Variants in GABRA2 observed in about 807,000 individuals in gnomAD.
GABRA2 encodes gamma-aminobutyric acid receptor subunit alpha-2.
A neutral mutation model predicts 48.7 loss-of-function variants in GABRA2; 16 were observed. The observed-to-expected ratio is 0.33, with a 90% CI of 0.22 to 0.50. The LOEUF is 0.50. GABRA2 is among the 20% of genes least tolerant of loss of function. The pLI is 0.98. For missense variants in GABRA2, 275 were observed against 535.6 expected, an observed-to-expected ratio of 0.51 and a Z score of 4.80; for synonymous variants, 185 against 184.5, an observed-to-expected ratio of 1.00 and a Z score of -0.02.
intron 9 of GABRA2, among the ~76,000 whole-genome samples, chr4:46,253,985 T>G (rs971057360): frequency 6.6e-6 from 1 of 151,534 alleles, no homozygotes; most frequent in African/African-American, 2.4e-5. Context: ...TACTGTTGAA[T>G]TCATAGCTGA....
At chr4:46,340,090 T>C (rs1490331727) in intron 3 of GABRA2, among the ~76,000 whole-genome samples, 1 of 151,870 alleles carries the variant, frequency 6.6e-6, no homozygotes. Context: ...TTCTCAAAGA[T>C]AGGCACAATC....
intron 8 of GABRA2, among the ~76,000 whole-genome samples, chr4:46,264,554 T>C (rs565701872): frequency 1.8e-4 from 27 of 152,222 alleles, no homozygotes; most frequent in Non-Finnish European, 2.8e-4. Flanking sequence ...TGCTATGTAA[T>C]CCTTTTAAAA....
intron 4 of GABRA2, among the ~76,000 whole-genome samples, chr4:46,325,737 T>G (rs1346859626): frequency 2.6e-5 from 4 of 152,000 alleles, no homozygotes; most frequent in African/African-American, 4.8e-5. Context: ...TAATCCATCT[T>G]GAGTTGATTT....
intron 4 of GABRA2, among the ~76,000 whole-genome samples, chr4:46,313,381 A>G (rs538883146): frequency 1.3e-5 from 2 of 152,152 alleles, no homozygotes; most frequent in South Asian, 2.1e-4. Context: ...GATAATTTCA[A>G]TAAAGTTTAT....
intron 5 of GABRA2, 57 bp from the exon 6 acceptor site, chr4:46,310,312 CTCG>C: frequency 8.2e-7 from 1 of 1,213,692 alleles, no homozygotes; most frequent in Non-Finnish European, 1.2e-6. Context: ...AGAAAAATCA[CTCG>C]TCATTACTCT....
intron 9 of GABRA2, among the ~76,000 whole-genome samples, chr4:46,258,288 G>T (rs1427469462): frequency 6.6e-6 from 1 of 151,828 alleles, no homozygotes; most frequent in Non-Finnish European, 1.5e-5. Flanking sequence ...ATCAGTGAAA[G>T]AGTTGAGACA....
intron 8 of GABRA2, among the ~76,000 whole-genome samples, chr4:46,283,629 TA>T (rs1721955016): frequency 6.6e-6 from 1 of 152,220 alleles, no homozygotes; most frequent in African/African-American, 2.4e-5. Context: ...AAAATTGATA[TA>T]AAAGAAGTAG....
rs1017500643 is a variant in GABRA2, at chr4:46,312,364, T to C, written c.476+132A>G. ...TTTAAATCAAAACATTTGCAAAGCATATTATTGGTACTTCAATAATCTGTT... is the reference window on the plus strand; with the variant it reads ...TTTAAATCAAAACATTTGCAAAGCACATTATTGGTACTTCAATAATCTGTT... On this transcript the variant is annotated intron_variant, in intron 5 of 9. Transcript: ENST00000381620. The C allele has an allele frequency of 1.0e-5, 6 of 572,556 alleles. No homozygotes were observed. In the African/African-American group the frequency reaches 1.2e-4, roughly 11 times the overall value. The allele number at this position is 572,556 out of a possible 1,614,324, so 35.5% of individuals were successfully genotyped here.
chr4:46,253,596 G>A (rs1715235289), intron 9 of GABRA2, among the ~76,000 whole-genome samples: 1 of 151,496 alleles, frequency 6.6e-6, no homozygotes, highest in Non-Finnish European at 1.5e-5. Context: ...AAAAACTTCA[G>A]AGTAGGGCTC....
intron 3 of GABRA2, among the ~76,000 whole-genome samples, chr4:46,385,005 T>C (rs879854256): frequency 9.9e-5 from 15 of 151,408 alleles, no homozygotes; most frequent in Non-Finnish European, 2.1e-4. Flanking sequence ...TTAAATGGCA[T>C]ATTATTGAAC....
chr4:46,248,193 C>T lies in GABRA2; in HGVS notation c.*2115G>A, dbSNP rs181064869. 1.1e-4 allele frequency among the ~76,000 whole-genome samples: 17 copies of T among 151,372 alleles called. No homozygotes were observed. Among genetic ancestry groups the T allele is most frequent in the African/African-American group, 3.9e-4 (16 of 41,442 alleles). ...ATAGTCAGACATTAAGGGGGCAATGCGGACTTTACAAGACAAATATTCTTA... is the reference window on the plus strand; with the variant it reads ...ATAGTCAGACATTAAGGGGGCAATGTGGACTTTACAAGACAAATATTCTTA... On this transcript the variant is annotated 3_prime_UTR_variant, in exon 10 of 10. Coordinates refer to ENST00000381620, the MANE Select transcript of GABRA2 (RefSeq NM_000807.4).
intron 8 of GABRA2, among the ~76,000 whole-genome samples, chr4:46,302,353 C>T (rs1431627303): frequency 1.3e-5 from 2 of 152,136 alleles, no homozygotes; most frequent in Non-Finnish European, 2.9e-5. Flanking sequence ...AGGCATTACA[C>T]TAACCTCTCT....
At chr4:46,332,760 A>G (rs767031080) in intron 3 of GABRA2, 78 bp from the exon 4 acceptor site, 3 of 849,602 alleles carry the variant, frequency 3.5e-6, no homozygotes, top group African/African-American at 1.7e-5. Context: ...AGTACACGGT[A>G]TGGTTTGAAA....
At chr4:46,373,026 C>A (rs1715141888) in intron 3 of GABRA2, among the ~76,000 whole-genome samples, 1 of 152,194 alleles carries the variant, frequency 6.6e-6, no homozygotes. Context: ...GCAACACAGG[C>A]AGAAATTGCA....
rs1242565990 is a variant in GABRA2, at chr4:46,256,388, C to T, written c.1059+5538G>A. The T allele has an allele frequency of 8.7e-6, 5 of 575,478 alleles. No individual in the cohort carries two copies. The Admixed American group carries it at 1.3e-4, about 14-fold the overall frequency. The allele number at this position is 575,478 out of a possible 1,614,324, so 35.6% of individuals were successfully genotyped here. On this transcript the variant is annotated intron_variant, in intron 9 of 9. Transcript: ENST00000381620. Reference sequence around the variant, plus strand: ...TATTGAAGGGGACTACAAGAAACATCAATATGAAATCCATTATTGCGTTTA... The same window carrying T: ...TATTGAAGGGGACTACAAGAAACATTAATATGAAATCCATTATTGCGTTTA...
At chr4:46,362,005 C>T (rs1251494189) in intron 3 of GABRA2, among the ~76,000 whole-genome samples, 1 of 152,200 alleles carries the variant, frequency 6.6e-6, no homozygotes, top group Non-Finnish European at 1.5e-5. Flanking sequence ...TTTGATTTTA[C>T]AGGCTAATAG....
rs1239520342 is a variant in GABRA2 at position 46,249,391 on chromosome 4, A to G, written c.*917T>C. ...GTGTTTGTCATAGTGTGGGGCACCT[A>G]TGAATTCTCATCAGTGGGAGTTTTT... On this transcript the variant is annotated 3_prime_UTR_variant, in exon 10 of 10. Coordinates refer to ENST00000381620, the MANE Select transcript of GABRA2 (RefSeq NM_000807.4). 6.6e-6 allele frequency: 1 copy of G among 151,328 alleles called. No homozygotes were observed. The highest frequency in any genetic ancestry group is 1.5e-5 in the Non-Finnish European group (1 of 67,624). 9.4% of individuals were successfully genotyped at this position (151,328 alleles called of 1,614,324 possible). A position where few individuals can be genotyped will look rare whatever the true frequency, so the allele number is the denominator to read the frequency against.
intron 3 of GABRA2, among the ~76,000 whole-genome samples, chr4:46,370,330 T>C (rs1412305426): frequency 6.6e-6 from 1 of 152,054 alleles, no homozygotes; most frequent in Non-Finnish European, 1.5e-5. Context: ...TACACTCATA[T>C]ACTTCAGAAG....
chr4:46,330,639 A>G (rs1334635800), intron 4 of GABRA2, among the ~76,000 whole-genome samples: 1 of 150,402 alleles, frequency 6.6e-6, no homozygotes, highest in Non-Finnish European at 1.5e-5. Context: ...TCACTTTGCA[A>G]AAATCAAAGC....
Sources: allele counts gnomAD v4.1 joint callset (sites outside exome capture counted in the v4.1 genomes callset), GRCh38; gene constraint gnomAD v4.1.1; transcripts MANE v1.5; gene names NCBI Gene and HGNC (gene_info 2026-07-23, HGNC 2026-07-21).